Variants in CHIT1 observed in about 807,000 individuals in gnomAD.
CHIT1 encodes chitinase 1.
In CHIT1, 47 loss-of-function variants were observed where a neutral mutation model predicts 52.0. The observed-to-expected ratio is 0.90, with a 90% CI of 0.71 to 1.15. CHIT1 has a LOEUF of 1.15. Among genes scored for constraint, CHIT1 ranks in the 50% most tolerant of loss-of-function variants. The pLI is 0.00. For synonymous variants in CHIT1, 242 were observed against 228.2 expected, an observed-to-expected ratio of 1.06 and a Z score of -0.54; for missense variants, 569 against 583.0, an observed-to-expected ratio of 0.98 and a Z score of 0.25.
chr1:203,225,567 TCTGTGGCAGGAC>T, intron 3 of CHIT1, 90 bp downstream of exon 3: 1 of 1,193,222 alleles, frequency 8.4e-7, no homozygotes, highest in Non-Finnish European at 1.2e-6. Flanking sequence ...ACACAGTGGG[TCTGTGGCAGGAC>T]CTTAGTGCTG....
intron 2 of CHIT1, among the ~76,000 whole-genome samples, chr1:203,226,850 T>C (rs1212422922): frequency 1.3e-5 from 2 of 152,082 alleles, no homozygotes; most frequent in East Asian, 3.9e-4. Flanking sequence ...AAAAATAGAC[T>C]TTGGGTCTAT....
intron 2 of CHIT1, among the ~76,000 whole-genome samples, chr1:203,228,108 G>A (rs1656992098): frequency 6.6e-6 from 1 of 152,198 alleles, no homozygotes; most frequent in Admixed American, 6.5e-5. Flanking sequence ...AGAGCTAAGG[G>A]GCTGGGGATG....
intron 2 of CHIT1, among the ~76,000 whole-genome samples, chr1:203,226,958 C>T (rs902569042): frequency 7.2e-5 from 11 of 152,190 alleles, no homozygotes; most frequent in African/African-American, 1.9e-4. Flanking sequence ...TATGAGCCAA[C>T]ATTTTATGCC....
chr1:203,217,656 G>A (rs1656580918), intron 10 of CHIT1, 83 bp downstream of exon 10: 2 of 1,602,484 alleles, frequency 1.2e-6, no homozygotes, highest in Middle Eastern at 1.7e-4. Context: ...GAAGGACCCG[G>A]GACCTACAGT....
In CHIT1 at chr1:203,223,523, T is replaced by G. The variant is rs1390335941; in HGVS notation, c.452A>C (p.Asp151Ala). The change falls in exon 5 of 11, where the codon GAC becomes GCC. Residue 151 changes from aspartate (D) to alanine (A), a missense_variant. Physicochemically the swap from Asp to Ala is moderately radical, Grantham distance 126. Coordinates refer to ENST00000367229, the MANE Select transcript of CHIT1 (RefSeq NM_003465.3). ...YPGSQGSPAV[D>A]KERFTTLVQD... ...TACCAGGGTTGTGAAGCGCTCCTTG[T>G]CTACGGCAGGGCTCCCCTGGCTTCC... 30 of 1,614,082 alleles carry G rather than the reference T, an allele frequency of 1.9e-5. No individual in the cohort carries two copies. Among genetic ancestry groups the G allele is most frequent in the Non-Finnish European group, 2.5e-5 (29 of 1,180,020 alleles).
intron 6 of CHIT1, among the ~76,000 whole-genome samples, 200 bp downstream of exon 6, chr1:203,222,935 G>A (rs939404207): frequency 9.9e-5 from 15 of 152,198 alleles, no homozygotes; most frequent in African/African-American, 3.6e-4. Flanking sequence ...AGTGGACACT[G>A]AGCAAAGCCT....
Position 203,225,047 on chromosome 1 carries a change from C to T in CHIT1, c.314+1G>A. ...CACACAGGTGACCACAGTCAACTAA[C>T]TTCTGAGTGCCGAAATTCCAGCCTC... On this transcript the variant is annotated splice_donor_variant, in intron 4 of 10. Transcript: ENST00000367229. LOFTEE classifies it high-confidence loss of function. 2 of 1,613,830 alleles carry T rather than the reference C, an allele frequency of 1.2e-6. No homozygotes were observed.
chr1:203,217,521 G>T, intron 10 of CHIT1: 1 of 1,097,118 alleles, frequency 9.1e-7, no homozygotes, highest in Non-Finnish European at 1.3e-6. Context: ...ACAACCCTGG[G>T]CAGGCATTGC....
At chr1:203,217,167 C>T (rs752911406) in intron 10 of CHIT1, 34 bp from the exon 11 acceptor site, 2 of 1,599,600 alleles carry the variant, frequency 1.3e-6, no homozygotes, top group South Asian at 2.2e-5. Context: ...CCAAGGCTCC[C>T]CCGAAGAGAT....
At chr1:203,219,955 TGG>T in intron 7 of CHIT1, 106 bp from the exon 8 acceptor site, 1 of 1,365,612 alleles carries the variant, frequency 7.3e-7, no homozygotes, top group Non-Finnish European at 1.0e-6. Context: ...GCTCCTCAGC[TGG>T]AGCTCTACGG....
At chr1:203,219,359 G>A in intron 8 of CHIT1, 30 bp from the exon 9 acceptor site, 1 of 1,287,914 alleles carries the variant, frequency 7.8e-7, no homozygotes, top group Non-Finnish European at 1.1e-6. Context: ...CACTGGGGAG[G>A]AGGAGGGAGG....
At chr1:203,217,354 C>A (rs1656571051) in intron 10 of CHIT1, 1 of 1,512,456 alleles carries the variant, frequency 6.6e-7, no homozygotes, top group South Asian at 1.2e-5. Context: ...ATGTGACAGG[C>A]AGTTAAGGCT....
At chr1:203,221,821 A>T (rs1225158582) in intron 7 of CHIT1, among the ~76,000 whole-genome samples, 1 of 152,148 alleles carries the variant, frequency 6.6e-6, no homozygotes, top group African/African-American at 2.4e-5. Flanking sequence ...ACCTTCCAGA[A>T]GGTCAACCAG....
chr1:203,217,277 GA>G (rs1656568406), intron 10 of CHIT1, 144 bp from the exon 11 acceptor site: 1 of 1,559,150 alleles, frequency 6.4e-7, no homozygotes, highest in East Asian at 2.3e-5. Flanking sequence ...ACCCCAGGCA[GA>G]GAACAGCCAG....
At position 203,223,578 on chromosome 1, in the gene CHIT1, C is replaced by T. The variant is rs1384304559; in HGVS notation, c.397G>A (p.Asp133Asn). ...TACTCCCAGTCAAGGTCAAGGCCGT[C>T]AAAGCTGTATTTGCGCAGAAACCTG... ...AIRFLRKYSF[D>N]GLDLDWEYPG... The change falls in exon 5 of 11, where the codon GAC becomes AAC. Residue 133 changes from aspartate (D) to asparagine (N), a missense_variant. Asp to Asn is a conservative substitution (Grantham distance 23). Transcript: ENST00000367229. 1 of 1,614,206 alleles carries T rather than the reference C, an allele frequency of 6.2e-7. No homozygotes were observed. The highest frequency in any genetic ancestry group is 1.1e-5 in the South Asian group (1 of 91,088).
intron 2 of CHIT1, 129 bp from the exon 3 acceptor site, chr1:203,225,999 G>A: frequency 3.0e-6 from 3 of 989,552 alleles, no homozygotes; most frequent in Non-Finnish European, 4.7e-6. Flanking sequence ...GGAGGGACCC[G>A]ACAGGCAGAA....
intron 3 of CHIT1, 85 bp from the exon 4 acceptor site, chr1:203,225,189 C>T: frequency 7.8e-7 from 1 of 1,276,150 alleles, no homozygotes; most frequent in Non-Finnish European, 1.1e-6. Context: ...GGAGGAACAA[C>T]AGGGGTGGGG....
At chr1:203,223,460 C>T (rs1364581362) in intron 5 of CHIT1, 35 bp downstream of exon 5, 2 of 1,613,124 alleles carry the variant, frequency 1.2e-6, no homozygotes, top group South Asian at 2.2e-5. Context: ...TGGGTCCCTG[C>T]ACAGACTGGT....
rs1456060112 is a variant in CHIT1 at position 203,225,068 on chromosome 1, GC to G, written c.293del (p.Gly98AlafsTer13). 4.3e-6 allele frequency: 7 copies of G among 1,613,762 alleles called. No individual in the cohort carries two copies. The highest frequency in any genetic ancestry group is 3.3e-5 in the Admixed American group (2 of 59,974). ...CTAACTTCTGAGTGCCGAAATTCCA[GC>G]CTCCGATGGCTAACAGGGTCTTCAG... is the stretch of plus-strand genomic sequence containing the variant. ...PKLKTLLAIG[G>X]WNFGTQKFTD... On this transcript the variant is annotated frameshift_variant, in exon 4 of 11. Transcript: ENST00000367229. LOFTEE classifies it high-confidence loss of function.
Sources: allele counts gnomAD v4.1 joint callset (sites outside exome capture counted in the v4.1 genomes callset), GRCh38; gene constraint gnomAD v4.1.1; transcripts MANE v1.5; gene names NCBI Gene and HGNC (gene_info 2026-07-23, HGNC 2026-07-21).